LARGE1: variants seen among roughly 807,000 people sequenced by gnomAD.
LARGE1 encodes xylosyl- and glucuronyltransferase LARGE1.
A neutral mutation model predicts 87.6 loss-of-function variants in LARGE1; 43 were observed. That is an observed-to-expected ratio of 0.49 (90% CI 0.38 to 0.63). LARGE1 has a LOEUF of 0.63. LARGE1 is among the 30% of genes least tolerant of loss of function. The probability of loss-of-function intolerance (pLI) is 0.00; values close to 1 mark genes in which losing one functional copy is unlikely to be tolerated. For missense variants in LARGE1, 802 were observed against 1,000.2 expected (o/e 0.80, Z 2.67); for synonymous variants, 434 against 394.6 (o/e 1.10, Z -1.18).
intron 6 of LARGE1, among the ~76,000 whole-genome samples, chr22:33,526,886 C>T (rs1024761644): frequency 2.6e-5 from 4 of 152,206 alleles, no homozygotes; most frequent in Non-Finnish European, 5.9e-5. Context: ...TGCTCCCCTG[C>T]AGCTCACAGT....
At chr22:33,207,239 A>G (rs1213875443) in intron 11 of LARGE1, among the ~76,000 whole-genome samples, 1 of 152,216 alleles carries the variant, frequency 6.6e-6, no homozygotes, top group Non-Finnish European at 1.5e-5. Context: ...CCTAAACTAA[A>G]TTACCATTCC....
intron 1 of LARGE1, among the ~76,000 whole-genome samples, chr22:33,880,846 T>A (rs2064658319): frequency 6.6e-6 from 1 of 152,190 alleles, no homozygotes; most frequent in Admixed American, 6.5e-5. Context: ...CTGTGCCCAT[T>A]CTGTGGACAG....
intron 14 of LARGE1, 41 bp from the exon 15 acceptor site, chr22:33,274,665 G>T (rs755754630): frequency 6.4e-7 from 1 of 1,563,362 alleles, no homozygotes; most frequent in Non-Finnish European, 8.8e-7. Context: ...CGCAAGAGCC[G>T]AGGGTCATGC....
intron 7 of LARGE1, among the ~76,000 whole-genome samples, chr22:33,416,452 T>C (rs1421289107): frequency 1.3e-5 from 2 of 152,156 alleles, no homozygotes; most frequent in Admixed American, 1.3e-4. Flanking sequence ...CGGAATTGTG[T>C]ACAGACTCCT....
At chr22:33,875,626 T>C (rs1394961222) in intron 1 of LARGE1, among the ~76,000 whole-genome samples, 1 of 152,232 alleles carries the variant, frequency 6.6e-6, no homozygotes, top group Non-Finnish European at 1.5e-5. Context: ...CCATGTCCCA[T>C]GCCGCAAAGC....
intron 6 of LARGE1, among the ~76,000 whole-genome samples, chr22:33,544,977 T>C (rs2077315526): frequency 6.6e-6 from 1 of 152,166 alleles, no homozygotes; most frequent in Non-Finnish European, 1.5e-5. Flanking sequence ...ATTCTGCTGA[T>C]GTTACTGGAA....
intron 10 of LARGE1, among the ~76,000 whole-genome samples, chr22:33,324,341 C>T (rs974777563): frequency 1.4e-5 from 2 of 144,406 alleles, no homozygotes; most frequent in African/African-American, 5.0e-5. Flanking sequence ...ACAAAACCTG[C>T]CTCCTTTTCA....
chr22:33,616,328 G>A (rs528851617), intron 4 of LARGE1, among the ~76,000 whole-genome samples: 2 of 152,030 alleles, frequency 1.3e-5, no homozygotes, highest in South Asian at 4.2e-4. Context: ...CCAACATGGC[G>A]AAACCCTGTC....
rs923140759 is a variant in LARGE1, at chr22:33,576,841, G to T, written c.616-11822C>A. ...ATACCTAATGCAATGTAAATACTATGTAAATGGCTGTTATACAGTATTGTT... is the reference window on the plus strand; with the variant it reads ...ATACCTAATGCAATGTAAATACTATTTAAATGGCTGTTATACAGTATTGTT... On this transcript the variant is annotated intron_variant, in intron 5 of 14. Coordinates refer to ENST00000397394, the MANE Select transcript of LARGE1 (RefSeq NM_133642.5). Among the ~76,000 whole-genome samples the T allele has an allele frequency of 2.0e-5, 3 of 152,096 alleles. No homozygotes were observed. In the East Asian group the frequency reaches 5.8e-4, roughly 29 times the overall value.
chr22:33,375,527 C>T (rs1365286669), intron 9 of LARGE1, among the ~76,000 whole-genome samples: 1 of 152,022 alleles, frequency 6.6e-6, no homozygotes, highest in East Asian at 1.9e-4. Context: ...TAGCAGGATA[C>T]AATGGCAACA....
At chr22:33,532,871 C>T (rs181234549) in intron 6 of LARGE1, among the ~76,000 whole-genome samples, 26 of 152,286 alleles carry the variant, frequency 1.7e-4, no homozygotes, top group African/African-American at 5.5e-4. Context: ...TCCAGTTAGT[C>T]GTTTACTTGA....
chr22:33,664,465 T>C (rs991118067), intron 2 of LARGE1, among the ~76,000 whole-genome samples: 5 of 152,172 alleles, frequency 3.3e-5, no homozygotes, highest in African/African-American at 1.2e-4. Flanking sequence ...CCCCCACCAC[T>C]ATGACCCCAG....
chr22:33,809,213 G>T (rs377620298), intron 1 of LARGE1, among the ~76,000 whole-genome samples: 2 of 151,748 alleles, frequency 1.3e-5, no homozygotes, highest in Non-Finnish European at 2.9e-5. Flanking sequence ...CAGAGGCTGC[G>T]GTGAGCCGAG....
intron 11 of LARGE1, among the ~76,000 whole-genome samples, chr22:33,213,476 T>A (rs1925056086): frequency 6.6e-6 from 1 of 152,206 alleles, no homozygotes; most frequent in Admixed American, 6.5e-5. Context: ...AAATCTTTCA[T>A]AAAAGGATGA....
chr22:33,395,315 G>T (rs1031535437), intron 7 of LARGE1, among the ~76,000 whole-genome samples: 1 of 151,850 alleles, frequency 6.6e-6, no homozygotes, highest in African/African-American at 2.4e-5. Flanking sequence ...CTAGGGTAGG[G>T]CCTGATCCAA....
intron 1 of LARGE1, among the ~76,000 whole-genome samples, chr22:33,796,199 A>G (rs1256869849): frequency 6.6e-6 from 1 of 152,230 alleles, no homozygotes; most frequent in East Asian, 1.9e-4. Context: ...TAATTAAAAC[A>G]AATTAAGAGT....
chr22:33,174,461 C>T (rs1922750907), intron 11 of LARGE1, among the ~76,000 whole-genome samples: 1 of 152,112 alleles, frequency 6.6e-6, no homozygotes, highest in African/African-American at 2.4e-5. Context: ...AATTCAAAAG[C>T]TAGCAGAAGA....
At chr22:33,469,462 C>G (rs1475713953) in intron 6 of LARGE1, among the ~76,000 whole-genome samples, 1 of 152,122 alleles carries the variant, frequency 6.6e-6, no homozygotes, top group Non-Finnish European at 1.5e-5. Context: ...TAAGTGAAAA[C>G]CAAACACTGA....
chr22:33,862,522 G>C (rs2063961224), intron 1 of LARGE1, among the ~76,000 whole-genome samples: 1 of 152,144 alleles, frequency 6.6e-6, no homozygotes, highest in Non-Finnish European at 1.5e-5. Flanking sequence ...CTTCCTAACT[G>C]TATCATAAAC....
Sources: allele counts gnomAD v4.1 joint callset (sites outside exome capture counted in the v4.1 genomes callset), GRCh38; gene constraint gnomAD v4.1.1; transcripts MANE v1.5; gene names NCBI Gene and HGNC (gene_info 2026-07-23, HGNC 2026-07-21).